The following NUP205 variants were observed in gnomAD, a reference collection of about 807,000 sequenced individuals.
NUP205 encodes the protein nuclear pore complex protein Nup205.
In NUP205, 76 loss-of-function variants were observed where a neutral mutation model predicts 253.8. That is an observed-to-expected ratio of 0.30 (90% CI 0.25 to 0.36). NUP205 has a LOEUF of 0.36. Ranked by LOEUF, NUP205 falls within the 10% of genes least tolerant of loss-of-function variation. The probability of loss-of-function intolerance (pLI) is 1.00; values close to 1 mark genes in which losing one functional copy is unlikely to be tolerated. For missense variants in NUP205, 2,162 were observed against 2,425.5 expected (o/e 0.89, Z 2.28); for synonymous variants, 832 against 850.1 (o/e 0.98, Z 0.37).
intron 14 of NUP205, 198 bp downstream of exon 14, chr7:135,597,616 G>T: frequency 2.1e-6 from 1 of 465,484 alleles, no homozygotes; most frequent in Non-Finnish European, 3.8e-6. Flanking sequence ...TTTCAGAGTT[G>T]GAAAAAGATG....
chr7:135,604,936 TATA>T (rs1308545288), intron 19 of NUP205, among the ~76,000 whole-genome samples: 1 of 152,242 alleles, frequency 6.6e-6, no homozygotes, highest in Non-Finnish European at 1.5e-5. Context: ...TTATTCAAGT[TATA>T]ATAGTTCTGT....
In NUP205 at chr7:135,638,119, A is replaced by G; in HGVS notation, c.5265+60A>G. 3 of 1,559,536 alleles carry G rather than the reference A, an allele frequency of 1.9e-6. No individual in the cohort carries two copies. The East Asian group carries it at 6.8e-5, about 35-fold the overall frequency. Reference sequence around the variant, plus strand: ...TTTTTGGAAAATGTTGATAAAAATAACAGATGTGGACCTGGTGCGGTGGCT... The same window carrying G: ...TTTTTGGAAAATGTTGATAAAAATAGCAGATGTGGACCTGGTGCGGTGGCT... On this transcript the variant is annotated intron_variant, in intron 37 of 42. Coordinates refer to ENST00000285968, the MANE Select transcript of NUP205 (RefSeq NM_015135.3).
Position 135,601,454 on chromosome 7 carries a change from T to A in NUP205, c.2459T>A (p.Leu820His). ...LNESPMLELA[L>H]SLLEEGVKQL... ...GAGTCACCAATGTTGGAGCTTGCTC[T>A]CAGTTTACTGGAAGAAGGAGTTAAG... The change falls in exon 17 of 43, where the codon CTC (leucine) becomes CAC (histidine). Residue 820 changes from leucine (L) to histidine (H), a missense_variant. By Grantham distance (99) the Leu-to-His change is moderately conservative. Coordinates refer to ENST00000285968, the MANE Select transcript of NUP205 (RefSeq NM_015135.3). 6.2e-7 allele frequency: 1 copy of A among 1,613,998 alleles called. No individual in the cohort carries two copies. The highest frequency in any genetic ancestry group is 8.5e-7 in the Non-Finnish European group (1 of 1,179,912).
At chr7:135,632,097 A>G (rs761307954) in intron 35 of NUP205, among the ~76,000 whole-genome samples, 4 of 152,146 alleles carry the variant, frequency 2.6e-5, no homozygotes, top group Non-Finnish European at 5.9e-5. Flanking sequence ...AAGAAAAAGC[A>G]TGCTGTCTCA....
rs1793781460 is a variant in NUP205 at position 135,594,531 on chromosome 7, T to C, written c.1831-16T>C. On this transcript the variant is annotated splice_polypyrimidine_tract_variant and intron_variant, in intron 12 of 42. Transcript: ENST00000285968. ...TTAAAAATGGAAAGTCTCATTCTTT[T>C]TGTGTCAATTCTTAGAGTGAAAATG... The C allele has an allele frequency of 1.3e-6, 2 of 1,563,478 alleles. No individual in the cohort carries two copies. Among genetic ancestry groups the C allele is most frequent in the Non-Finnish European group, 1.7e-6 (2 of 1,156,932 alleles).
chr7:135,594,176 A>G (rs1793764554), intron 12 of NUP205, among the ~76,000 whole-genome samples: 1 of 152,122 alleles, frequency 6.6e-6, no homozygotes, highest in Admixed American at 6.5e-5. Flanking sequence ...TGAGAAAAGG[A>G]CAAGGTATTT....
chr7:135,623,028 A>T (rs1269884382), intron 31 of NUP205, 103 bp downstream of exon 31: 7 of 1,226,508 alleles, frequency 5.7e-6, no homozygotes, highest in Non-Finnish European at 6.8e-6. Flanking sequence ...CTGTAATCTC[A>T]GTGCTTTCGA....
At chr7:135,611,753 C>T (rs533948851) in intron 22 of NUP205, among the ~76,000 whole-genome samples, 12 of 152,116 alleles carry the variant, frequency 7.9e-5, no homozygotes, top group Admixed American at 1.3e-4. Context: ...GCAGGAGAAT[C>T]GCTTGAACCT....
rs1444217756 is a variant in NUP205 at position 135,569,102 on chromosome 7, C to T, written c.29-2003C>T. On this transcript the variant is annotated intron_variant, in intron 1 of 42. Transcript: ENST00000285968. ...TTTTTTATTTTTTGAGATGGAGTCT[C>T]ACTCTGTTGCCAGGCTGGAGTGCAA... Among the ~76,000 whole-genome samples the T allele has an allele frequency of 2.6e-5, 4 of 152,166 alleles. No individual in the cohort carries two copies. In the South Asian group the frequency reaches 6.2e-4, roughly 24 times the overall value.
At chr7:135,609,216 C>G (rs749292044) in intron 22 of NUP205, among the ~76,000 whole-genome samples, 5 of 151,490 alleles carry the variant, frequency 3.3e-5, no homozygotes, top group Non-Finnish European at 7.4e-5. Flanking sequence ...GTCATGAGAT[C>G]AGGAGATCAA....
chr7:135,581,822 T>C (rs1231934803), intron 7 of NUP205, among the ~76,000 whole-genome samples: 2 of 149,296 alleles, frequency 1.3e-5, no homozygotes, highest in Non-Finnish European at 3.0e-5. Flanking sequence ...CACTGCACTT[T>C]AGCCTGGGTG....
intron 15 of NUP205, chr7:135,598,941 A>G (rs1563122396): frequency 1.3e-5 from 2 of 152,250 alleles, no homozygotes; most frequent in Non-Finnish European, 1.5e-5. Flanking sequence ...GTTAGTCTAT[A>G]ATACTGTTTA....
chr7:135,585,270 T>C (rs965315667), intron 8 of NUP205, among the ~76,000 whole-genome samples: 3 of 152,194 alleles, frequency 2.0e-5, no homozygotes, highest in African/African-American at 7.2e-5. Flanking sequence ...GAATATGGCC[T>C]GTCTTGGTAA....
Position 135,557,959 on chromosome 7 carries a change from G to A in NUP205, c.15G>A (p.Leu5=). The change falls in exon 1 of 43, where the codon TTG becomes TTA. Residue 5 remains leucine (L), a synonymous_variant. Coordinates refer to ENST00000285968, the MANE Select transcript of NUP205 (RefSeq NM_015135.3). ...GCGCCTCTAAGATGGCGACGCCTTT[G>A]GCGGTAAATTCGGGTAAGTGTGGCC... MATP[L]AVNSAASLWG... 6.2e-7 allele frequency: 1 copy of A among 1,613,804 alleles called. No individual in the cohort carries two copies. Among genetic ancestry groups the A allele is most frequent in the South Asian group, 1.1e-5 (1 of 91,068 alleles).
chr7:135,579,290 G>C (rs952855361), intron 7 of NUP205, among the ~76,000 whole-genome samples: 1 of 151,900 alleles, frequency 6.6e-6, no homozygotes, highest in Admixed American at 6.6e-5. Context: ...TGCCCCCCGG[G>C]TTCAAGCGAT....
chr7:135,604,477 C>T lies in NUP205; in HGVS notation c.2823+17C>T. 6.3e-7 allele frequency: 1 copy of T among 1,593,366 alleles called. No individual in the cohort carries two copies. On this transcript the variant is annotated intron_variant, in intron 19 of 42. Coordinates refer to ENST00000285968, the MANE Select transcript of NUP205 (RefSeq NM_015135.3). ...CATGACCAGGTAACTGATTTTGTTG[C>T]TCTTGTTATTTTTTGGTGCATTTTG... is the stretch of plus-strand genomic sequence containing the variant.
At chr7:135,571,321 C>CTT in intron 2 of NUP205, 74 bp downstream of exon 2, 6 of 887,240 alleles carry the variant, frequency 6.8e-6, no homozygotes, top group Non-Finnish European at 8.9e-6. Flanking sequence ...AAACTCTTTT[C>CTT]TTTTTTTTTT....
chr7:135,607,074 T>C (rs1794101797), intron 21 of NUP205, among the ~76,000 whole-genome samples, 159 bp downstream of exon 21: 1 of 152,240 alleles, frequency 6.6e-6, no homozygotes, highest in Admixed American at 6.5e-5. Flanking sequence ...AGAACAAGAC[T>C]GGACAAACTG....
At chr7:135,588,085 T>A in intron 10 of NUP205, 93 bp downstream of exon 10, 1 of 1,096,782 alleles carries the variant, frequency 9.1e-7, no homozygotes, top group Non-Finnish European at 1.3e-6. Flanking sequence ...TTATTGCTGT[T>A]AACACAAATG....
Sources: gnomAD v4.1 joint callset for allele counts (sites outside exome capture counted in the v4.1 genomes callset) on GRCh38, gnomAD v4.1.1 for gene constraint, MANE v1.5 for transcripts, NCBI Gene and HGNC (gene_info 2026-07-23, HGNC 2026-07-21) for gene names.